TRABD2A: variants seen among roughly 807,000 people sequenced by gnomAD.
The protein encoded by TRABD2A is TraB domain containing 2A, also known as metalloprotease TIKI1.
A neutral mutation model predicts 45.6 loss-of-function variants in TRABD2A; 43 were observed. The ratio of observed to expected loss-of-function variants is 0.94; its 90% CI spans 0.74 to 1.22. The LOEUF (loss-of-function observed/expected upper bound fraction) is 1.22. Ranked by LOEUF, TRABD2A falls within the 50% of genes most tolerant of loss-of-function variation. The pLI, the probability that TRABD2A is intolerant of heterozygous loss-of-function variation, is 0.00. For synonymous variants in TRABD2A, 269 were observed against 265.0 expected (o/e 1.02, Z -0.15); for missense variants, 642 against 652.4 (o/e 0.98, Z 0.17).
intron 2 of TRABD2A, among the ~76,000 whole-genome samples, chr2:84,863,555 T>G (rs1467501836): frequency 6.6e-6 from 1 of 150,814 alleles, no homozygotes; most frequent in East Asian, 1.9e-4. Context: ...AAGATGCCAG[T>G]CTATATCTAC....
chr2:84,870,394 C>T lies in TRABD2A; in HGVS notation c.500G>A (p.Trp167Ter). Residue 167 changes from tryptophan to a stop codon, truncating the protein, a stop_gained, in exon 2 of 7, where the codon TGG becomes TAG. Coordinates refer to ENST00000409520, the MANE Select transcript of TRABD2A (RefSeq NM_001277053.2). LOFTEE classifies it high-confidence loss of function. ...CAGGGAGTTGACCATGAGCATCACCCAGACAGGCCTCTTGCGCTCCCAGTT... is the reference window on the plus strand; with the variant it reads ...CAGGGAGTTGACCATGAGCATCACCTAGACAGGCCTCTTGCGCTCCCAGTT... ...AGNWERKRPV[W>*]VMLMVNSLTE... The T allele has an allele frequency of 6.2e-7, 1 of 1,614,034 alleles. No homozygotes were observed. The highest frequency in any genetic ancestry group is 8.5e-7 in the Non-Finnish European group (1 of 1,179,886).
At position 84,837,898 on chromosome 2, in the gene TRABD2A, A is replaced by G. The variant is rs146497411; in HGVS notation, c.991+1251T>C. 4.3e-4 allele frequency: 116 copies of G among 267,312 alleles called. 1 individual carries two copies. In the East Asian group the frequency reaches 7.0e-3, roughly 16 times the overall value. The allele number at this position is 267,312 out of a possible 1,614,324, so 16.6% of individuals were successfully genotyped here. On this transcript the variant is annotated intron_variant, in intron 4 of 6. Coordinates refer to ENST00000409520, the MANE Select transcript of TRABD2A (RefSeq NM_001277053.2). ...ATTTTAGAGCTTTTCTATACCCCCT[A>G]TGGGATTTTGCTTTTAAGTTTTTTG...
chr2:84,869,973 CAAAAA>C lies in TRABD2A; in HGVS notation c.669+247_669+251del, dbSNP rs36090318. On this transcript the variant is annotated intron_variant, in intron 2 of 6. Coordinates refer to ENST00000409520, the MANE Select transcript of TRABD2A (RefSeq NM_001277053.2). ...CAGCCTGGGTGGAATGACTCTGTCC[CAAAAA>C]AAAAAAAAAAAAAGTACACAGTATT... 1.0e-2 allele frequency among the ~76,000 whole-genome samples: 761 copies of C among 76,420 alleles called. 8 individuals carry two copies. Among genetic ancestry groups the C allele is most frequent in the African/African-American group, 0.034 (745 of 22,146 alleles). The allele number at this position is 76,420 out of a possible 152,430, so 50.1% of individuals were successfully genotyped here.
chr2:84,870,303 C>A lies in TRABD2A; in HGVS notation c.591G>T (p.Glu197Asp). ...VLDLFLAQEAERLRKQTGAVE... is the reference protein window; with the variant it reads ...VLDLFLAQEADRLRKQTGAVE... Reference sequence around the variant, plus strand: ...CTGCCCCAGTCTGTTTCCTCAGCCGCTCAGCCTCCTGGGCAAGGAACAGGT... The same window carrying A: ...CTGCCCCAGTCTGTTTCCTCAGCCGATCAGCCTCCTGGGCAAGGAACAGGT... Residue 197 changes from glutamate (E) to aspartate (D), a missense_variant, in exon 2 of 7, where the codon GAG becomes GAT. By Grantham distance (45) the Glu-to-Asp change is conservative. Coordinates refer to ENST00000409520, the MANE Select transcript of TRABD2A (RefSeq NM_001277053.2). The A allele has an allele frequency of 6.2e-7, 1 of 1,614,046 alleles. No homozygotes were observed. The highest frequency in any genetic ancestry group is 8.5e-7 in the Non-Finnish European group (1 of 1,179,908).
At chr2:84,870,127 G>A in intron 2 of TRABD2A, 98 bp downstream of exon 2, 2 of 1,233,984 alleles carry the variant, frequency 1.6e-6, no homozygotes, top group South Asian at 3.0e-5. Context: ...ACAATTTCTA[G>A]ACAAGCTGTG....
Position 84,824,033 on chromosome 2 carries a change from C to A in TRABD2A, c.1254G>T (p.Arg418Ser), listed in dbSNP as rs780648523. 2.5e-6 allele frequency: 4 copies of A among 1,613,874 alleles called. No individual in the cohort carries two copies. The highest frequency in any genetic ancestry group is 1.7e-6 in the Non-Finnish European group (2 of 1,179,832). Residue 418 changes from arginine to serine, a missense_variant, in exon 6 of 7, where the codon AGG becomes AGT. Arg to Ser is a moderately radical substitution (Grantham distance 110). Coordinates refer to ENST00000409520, the MANE Select transcript of TRABD2A (RefSeq NM_001277053.2). ...SADTPSEAEQ[R>S]FRKKRRRSQR... ...GTGACCGCCTCCGCTTCTTCCGGAA[C>A]CTCTGTTCGGCCTCACTGGGCGTGT...
chr2:84,851,246 C>G (rs1181144012), intron 2 of TRABD2A: 1 of 152,232 alleles, frequency 6.6e-6, no homozygotes, highest in Non-Finnish European at 1.5e-5. Flanking sequence ...ACAGCCCAGT[C>G]TAAGTCTCTG....
intron 2 of TRABD2A, among the ~76,000 whole-genome samples, chr2:84,862,356 G>A (rs1304175056): frequency 6.6e-6 from 1 of 152,152 alleles, no homozygotes; most frequent in African/African-American, 2.4e-5. Flanking sequence ...CGTGTCATTG[G>A]GCTGATCCAC....
At chr2:84,825,856 T>C (rs748660495) in intron 5 of TRABD2A, among the ~76,000 whole-genome samples, 6 of 152,104 alleles carry the variant, frequency 3.9e-5, no homozygotes, top group Non-Finnish European at 8.8e-5. Flanking sequence ...CTGTTGTGAA[T>C]TGTGTGTGCC....
intron 2 of TRABD2A, 53 bp from the exon 3 acceptor site, chr2:84,842,060 T>A: frequency 1.4e-6 from 2 of 1,430,588 alleles, no homozygotes; most frequent in Non-Finnish European, 1.8e-6. Flanking sequence ...TTTGCTGCCA[T>A]CTTATTTCTT....
At chr2:84,844,750 A>G (rs1034010807) in intron 2 of TRABD2A, among the ~76,000 whole-genome samples, 18 of 152,230 alleles carry the variant, frequency 1.2e-4, no homozygotes, top group Non-Finnish European at 7.3e-5. Flanking sequence ...AACACCTATC[A>G]GGTATGCCTG....
At chr2:84,845,691 C>A (rs1370364730) in intron 2 of TRABD2A, among the ~76,000 whole-genome samples, 7 of 152,170 alleles carry the variant, frequency 4.6e-5, no homozygotes, top group Non-Finnish European at 8.8e-5. Context: ...TGAAGGGTAT[C>A]ATGAGAGTTC....
chr2:84,838,385 A>G (rs1421009534), intron 4 of TRABD2A: 1 of 602,022 alleles, frequency 1.7e-6, no homozygotes, highest in Non-Finnish European at 3.0e-6. Flanking sequence ...GGAAAAGTTG[A>G]TTTTGACCAT....
rs112708438 is a variant in TRABD2A at position 84,873,072 on chromosome 2, G to A, written c.109-2287C>T. On this transcript the variant is annotated intron_variant, in intron 1 of 6. Coordinates refer to ENST00000409520, the MANE Select transcript of TRABD2A (RefSeq NM_001277053.2). Reference sequence around the variant, plus strand: ...GGAGGTTGCAGTGAGCAGAGATAGCGCCACTGCACTCCAGCCTAGGGGACA... The same window carrying A: ...GGAGGTTGCAGTGAGCAGAGATAGCACCACTGCACTCCAGCCTAGGGGACA... Among the ~76,000 whole-genome samples, 909 of 139,854 alleles carry A rather than the reference G, an allele frequency of 6.5e-3. 5 individuals carry two copies. Among genetic ancestry groups the A allele is most frequent in the African/African-American group, 0.023 (839 of 36,006 alleles). The allele number at this position is 139,854 out of a possible 152,430, so 91.7% of individuals were successfully genotyped here. A position where few individuals can be genotyped will look rare whatever the true frequency, so the allele number is the denominator to read the frequency against.
At chr2:84,871,796 C>T (rs1231758139) in intron 1 of TRABD2A, among the ~76,000 whole-genome samples, 1 of 152,164 alleles carries the variant, frequency 6.6e-6, no homozygotes, top group Non-Finnish European at 1.5e-5. Flanking sequence ...AGAGATGCTA[C>T]TTTTAAAGCT....
At position 84,832,035 on chromosome 2, in the gene TRABD2A, T is replaced by TAGA; in HGVS notation, c.1082+17_1082+19dup. 2 of 1,613,802 alleles carry TAGA rather than the reference T, an allele frequency of 1.2e-6. No homozygotes were observed. ...GAGGGTCTCAGCTCCCCAGCCAAGA[T>TAGA]AGAAGCACAGGACGGTTACTTGTGG... On this transcript the variant is annotated intron_variant, in intron 5 of 6. Coordinates refer to ENST00000409520, the MANE Select transcript of TRABD2A (RefSeq NM_001277053.2).
chr2:84,853,752 G>C (rs1156930697), intron 2 of TRABD2A, among the ~76,000 whole-genome samples: 2 of 152,214 alleles, frequency 1.3e-5, no homozygotes, highest in African/African-American at 4.8e-5. Context: ...AGCCTTGATG[G>C]GTGCAGTGGC....
At chr2:84,877,859 C>A (rs1683077660) in intron 1 of TRABD2A, among the ~76,000 whole-genome samples, 1 of 152,214 alleles carries the variant, frequency 6.6e-6, no homozygotes, top group African/African-American at 2.4e-5. Context: ...AGACCAGCCA[C>A]AATGAAGCTG....
intron 1 of TRABD2A, among the ~76,000 whole-genome samples, chr2:84,873,600 G>T (rs1193234534): frequency 6.6e-6 from 1 of 152,168 alleles, no homozygotes; most frequent in Non-Finnish European, 1.5e-5. Context: ...CTGCTAAGGC[G>T]AATTAAGCAA....
Sources: allele counts gnomAD v4.1 joint callset (sites outside exome capture counted in the v4.1 genomes callset), GRCh38; gene constraint gnomAD v4.1.1; transcripts MANE v1.5; gene names NCBI Gene and HGNC (gene_info 2026-07-23, HGNC 2026-07-21).